Variants in NTN1 observed in about 807,000 individuals in gnomAD.
The protein encoded by NTN1 is netrin-1.
In NTN1, 11 loss-of-function variants were observed where a neutral mutation model predicts 54.2. The ratio of observed to expected loss-of-function variants is 0.20; its 90% CI spans 0.13 to 0.34. The LOEUF is 0.34. Among genes scored for constraint, NTN1 ranks in the 10% least tolerant of loss-of-function variants. NTN1 has a pLI of 1.00. For missense variants in NTN1, 740 were observed against 893.1 expected (o/e 0.83, Z 2.18); for synonymous variants, 371 against 382.0 (o/e 0.97, Z 0.33).
intron 2 of NTN1, among the ~76,000 whole-genome samples, chr17:9,072,673 G>A (rs1018096194): frequency 1.8e-4 from 28 of 152,182 alleles, no homozygotes; most frequent in Admixed American, 1.2e-3. Context: ...GTGAGTGGGA[G>A]GCAGGGGTGG....
At chr17:9,087,207 T>C (rs1597482686) in intron 2 of NTN1, among the ~76,000 whole-genome samples, 1 of 151,892 alleles carries the variant, frequency 6.6e-6, no homozygotes, top group South Asian at 2.1e-4. Flanking sequence ...CCTAGAAGGA[T>C]GAGTGGGAGG....
intron 2 of NTN1, among the ~76,000 whole-genome samples, chr17:9,142,187 G>A (rs1193026593): frequency 1.3e-5 from 2 of 152,046 alleles, no homozygotes; most frequent in East Asian, 3.9e-4. Context: ...TACTCGAGAG[G>A]CTGAGGTGGG....
chr17:9,104,081 T>C (rs1323226649), intron 2 of NTN1, among the ~76,000 whole-genome samples: 4 of 84,324 alleles, frequency 4.7e-5, no homozygotes, highest in African/African-American at 5.0e-5. Flanking sequence ...AGAGAGAGAC[T>C]CCATCTCAAA....
chr17:9,101,610 G>A (rs1284925230), intron 2 of NTN1, among the ~76,000 whole-genome samples: 1 of 152,202 alleles, frequency 6.6e-6, no homozygotes, highest in Non-Finnish European at 1.5e-5. Flanking sequence ...CCAGGTGAGT[G>A]GGGATTTTAG....
intron 2 of NTN1, among the ~76,000 whole-genome samples, chr17:9,137,083 T>C (rs12941041): frequency 0.035 from 5,398 of 152,294 alleles, 159 homozygotes; most frequent in Admixed American, 0.088. Flanking sequence ...CCACACACCC[T>C]GCTCCTATCT....
At chr17:9,190,438 A>T (rs1904421594) in intron 5 of NTN1, among the ~76,000 whole-genome samples, 1 of 152,224 alleles carries the variant, frequency 6.6e-6, no homozygotes, top group African/African-American at 2.4e-5. Flanking sequence ...TAATTTTTTT[A>T]AAAGAAGATT....
chr17:9,086,923 G>A (rs916976469), intron 2 of NTN1, among the ~76,000 whole-genome samples: 7 of 152,034 alleles, frequency 4.6e-5, no homozygotes, highest in Non-Finnish European at 2.9e-5. Context: ...CATCAGCACC[G>A]TTGTCATCAG....
chr17:9,087,640 T>A (rs544485650), intron 2 of NTN1, among the ~76,000 whole-genome samples: 5 of 152,096 alleles, frequency 3.3e-5, no homozygotes, highest in African/African-American at 1.2e-4. Flanking sequence ...TCCTTAGACA[T>A]CCTCAGAGCT....
intron 3 of NTN1, chr17:9,177,299 C>G (rs1318415083): frequency 6.6e-6 from 1 of 152,290 alleles, no homozygotes; most frequent in Non-Finnish European, 1.5e-5. Flanking sequence ...CCAGCCCAGG[C>G]AGCTAAGCGG....
intron 5 of NTN1, among the ~76,000 whole-genome samples, chr17:9,186,804 C>T (rs985869018): frequency 9.2e-5 from 14 of 152,232 alleles, no homozygotes; most frequent in Non-Finnish European, 1.9e-4. Flanking sequence ...TGTAGACCTG[C>T]AGCCTGGATA....
At chr17:9,017,935 A>G (rs149708999), upstream of NTN1, among the ~76,000 whole-genome samples, 71 of 152,316 alleles carry the variant, frequency 4.7e-4, no homozygotes, top group Non-Finnish European at 9.4e-4. Context: ...CATTAAGATA[A>G]CTGGGAACAT....
Position 9,219,825 on chromosome 17 carries a change from CCGTGTGTGTGCA to C in NTN1, c.1412-1321_1412-1310del, listed in dbSNP as rs1016864751. ...TGCCACCTGCCCCTGGAGCAGCCGC[CCGTGTGTGTGCA>C]CGTGTGTGTGCACGTGTGTGTTGAA... On this transcript the variant is annotated intron_variant, in intron 5 of 6. Transcript: ENST00000173229. The surrounding 1 kb of genome is among the most constrained non-coding windows in gnomAD (Gnocchi z 4.5). Among the ~76,000 whole-genome samples the C allele has an allele frequency of 1.3e-3, 200 of 152,304 alleles. 1 individual carries two copies. Among genetic ancestry groups the C allele is most frequent in the East Asian group, 9.7e-4 (5 of 5,178 alleles).
intron 2 of NTN1, among the ~76,000 whole-genome samples, chr17:9,119,807 T>C (rs1597494765): frequency 1.3e-5 from 2 of 152,324 alleles, no homozygotes; most frequent in South Asian, 4.1e-4. Flanking sequence ...CTGGCCTTTT[T>C]TTATTTTAGC....
At chr17:9,149,231 A>T (rs1358123637) in intron 2 of NTN1, among the ~76,000 whole-genome samples, 1 of 147,670 alleles carries the variant, frequency 6.8e-6, no homozygotes, top group Non-Finnish European at 1.5e-5. Flanking sequence ...CACCACCTCT[A>T]GGGAAAAGAG....
intron 2 of NTN1, among the ~76,000 whole-genome samples, chr17:9,083,169 G>A (rs937540101): frequency 6.6e-6 from 1 of 152,220 alleles, no homozygotes; most frequent in African/African-American, 2.4e-5. Flanking sequence ...CTTGAGCTCA[G>A]CTCACTGCAA....
intron 2 of NTN1, among the ~76,000 whole-genome samples, chr17:9,129,688 G>A (rs983891372): frequency 1.3e-5 from 2 of 152,098 alleles, no homozygotes; most frequent in Non-Finnish European, 2.9e-5. Context: ...GTCACCTCCC[G>A]TGCCATTTGG....
intron 2 of NTN1, among the ~76,000 whole-genome samples, chr17:9,063,098 A>G (rs1325058554): frequency 6.9e-6 from 1 of 145,950 alleles, no homozygotes; most frequent in Non-Finnish European, 1.5e-5. Context: ...ATTATCATTA[A>G]TGACTTTTTT....
chr17:9,061,930 C>G (rs1349472740), intron 2 of NTN1, among the ~76,000 whole-genome samples: 1 of 152,100 alleles, frequency 6.6e-6, no homozygotes, highest in African/African-American at 2.4e-5. Context: ...GTCTTGAACT[C>G]CTGACCTCGT....
At chr17:9,226,775 G>A (rs990275466) in intron 6 of NTN1, among the ~76,000 whole-genome samples, 7 of 152,242 alleles carry the variant, frequency 4.6e-5, no homozygotes, top group African/African-American at 1.2e-4. Context: ...GCGAGGAGGC[G>A]GCGAGTGAGC....
Sources: gnomAD v4.1 joint callset for allele counts (sites outside exome capture counted in the v4.1 genomes callset) on GRCh38, gnomAD v4.1.1 for gene constraint, Gnocchi (gnomAD v3.1) non-coding constraint, MANE v1.5 for transcripts, NCBI Gene and HGNC (gene_info 2026-07-23, HGNC 2026-07-21) for gene names.